ME3: variants seen among roughly 807,000 people sequenced by gnomAD.
ME3 encodes malic enzyme 3.
ME3 carries 48 observed loss-of-function variants against 68.9 expected under a neutral mutation model. The observed-to-expected ratio is 0.70, with a 90% CI of 0.55 to 0.89. ME3 has a LOEUF of 0.89. ME3 is among the 40% of genes least tolerant of loss of function. The pLI, the probability that ME3 is intolerant of heterozygous loss-of-function variation, is 0.00. For synonymous variants in ME3, 320 were observed against 318.8 expected (o/e 1.00, Z -0.04); for missense variants, 675 against 797.4 (o/e 0.85, Z 1.85).
chr11:86,553,743 T>C (rs554798436), intron 4 of ME3, among the ~76,000 whole-genome samples: 4 of 152,354 alleles, frequency 2.6e-5, no homozygotes, highest in Admixed American at 2.6e-4. Context: ...CGGACCCTGC[T>C]GGATCAATTC....
chr11:86,619,610 T>A (rs1319736562), intron 2 of ME3, among the ~76,000 whole-genome samples: 1 of 152,196 alleles, frequency 6.6e-6, no homozygotes, highest in Non-Finnish European at 1.5e-5. Flanking sequence ...GGAAACCCCT[T>A]TTGCTTGGTT....
At chr11:86,463,698 A>G (rs1338839292) in intron 8 of ME3, among the ~76,000 whole-genome samples, 2 of 152,224 alleles carry the variant, frequency 1.3e-5, no homozygotes, top group African/African-American at 2.4e-5. Flanking sequence ...TAACTGTGCT[A>G]TCTTGCCTCT....
At chr11:86,441,380 C>T (rs1311503404) in exon 15 of ME3, 1 of 1,613,198 alleles carries the variant, frequency 6.2e-7, no homozygotes. Flanking sequence ...ACAAAAGCCT[C>T]CTTGTCCTTA....
intron 4 of ME3, among the ~76,000 whole-genome samples, chr11:86,521,404 C>CAAACAAACA (rs1235907869): frequency 9.1e-6 from 1 of 109,736 alleles, no homozygotes; most frequent in African/African-American, 4.0e-5. Flanking sequence ...CAAAAACAAA[C>CAAACAAACA]AAACAAAACA....
At chr11:86,546,029 A>G (rs565682158) in intron 4 of ME3, among the ~76,000 whole-genome samples, 102 of 152,312 alleles carry the variant, frequency 6.7e-4, no homozygotes, top group Non-Finnish European at 1.1e-3. Context: ...AACCATCTTG[A>G]TCTTTGACAA....
intron 4 of ME3, among the ~76,000 whole-genome samples, chr11:86,521,536 C>T (rs1016995963): frequency 3.3e-5 from 5 of 151,808 alleles, no homozygotes; most frequent in African/African-American, 1.2e-4. Flanking sequence ...CAAAGTCAGT[C>T]GTAAAGGAGC....
In ME3 at chr11:86,672,322, A is replaced by C; in HGVS notation, c.-15+2T>G. ...CCTCGGTCCTCTCCTTCCCTGGCCC[A>C]CCTGCGCTGCTCGGGGAGCTGAGGT... On this transcript the variant is annotated splice_donor_variant, in intron 1 of 14. Transcript: ENST00000543262. LOFTEE classifies it low-confidence loss of function (5UTR_SPLICE). The C allele has an allele frequency of 5.2e-6, 1 of 191,816 alleles. No individual in the cohort carries two copies. Among genetic ancestry groups the C allele is most frequent in the Non-Finnish European group, 1.1e-5 (1 of 94,804 alleles). The allele number at this position is 191,816 out of a possible 1,614,324, so 11.9% of individuals were successfully genotyped here. A position where few individuals can be genotyped will look rare whatever the true frequency, so the allele number is the denominator to read the frequency against.
At chr11:86,475,874 T>TATAGAGAGAGAGAGAGAGAGAGAG in intron 7 of ME3, among the ~76,000 whole-genome samples, 1 of 91,476 alleles carries the variant, frequency 1.1e-5, no homozygotes, top group Non-Finnish European at 2.1e-5. Context: ...TATATATATA[T>TATAGAGAGAGAGAGAGAGAGAGAG]AGAGAGAGAG....
chr11:86,574,407 G>T (rs1317844963), intron 2 of ME3, among the ~76,000 whole-genome samples: 3 of 148,538 alleles, frequency 2.0e-5, no homozygotes, highest in African/African-American at 5.0e-5. Flanking sequence ...CGGGGGGGGG[G>T]GGGGTGTCTT....
intron 2 of ME3, among the ~76,000 whole-genome samples, chr11:86,668,400 C>T (rs756000417): frequency 5.9e-5 from 9 of 152,110 alleles, no homozygotes; most frequent in Admixed American, 4.6e-4. Context: ...CATTCTAATA[C>T]ATTTCTTTAA....
At chr11:86,510,687 C>T (rs754484294) in intron 4 of ME3, among the ~76,000 whole-genome samples, 2 of 152,156 alleles carry the variant, frequency 1.3e-5, no homozygotes, top group African/African-American at 2.4e-5. Flanking sequence ...GCACCTCTCA[C>T]TACATTGTGA....
At chr11:86,624,597 T>C (rs947166255) in intron 2 of ME3, among the ~76,000 whole-genome samples, 4 of 152,200 alleles carry the variant, frequency 2.6e-5, no homozygotes, top group African/African-American at 9.6e-5. Flanking sequence ...TTGCGTAAGA[T>C]TGATTTTGTT....
intron 5 of ME3, among the ~76,000 whole-genome samples, chr11:86,506,311 G>C (rs984293941): frequency 6.6e-6 from 1 of 152,152 alleles, no homozygotes. Context: ...GTATTTAGAA[G>C]GTTCTCAAAA....
At chr11:86,501,335 A>G (rs980447109) in intron 5 of ME3, among the ~76,000 whole-genome samples, 5 of 152,200 alleles carry the variant, frequency 3.3e-5, no homozygotes, top group Non-Finnish European at 7.3e-5. Context: ...GGCAAAGATT[A>G]TATCTCAGAC....
intron 2 of ME3, among the ~76,000 whole-genome samples, chr11:86,648,030 C>G (rs1284999964): frequency 6.6e-6 from 1 of 152,146 alleles, no homozygotes; most frequent in Non-Finnish European, 1.5e-5. Flanking sequence ...TCAGCAAATG[C>G]AAAAGAATGG....
At chr11:86,654,421 G>C (rs1279888344) in intron 2 of ME3, among the ~76,000 whole-genome samples, 1 of 152,186 alleles carries the variant, frequency 6.6e-6, no homozygotes, top group Non-Finnish European at 1.5e-5. Context: ...CTTCACCCCT[G>C]GGATGCAAGC....
chr11:86,514,662 G>GAGTA (rs1289469982), intron 4 of ME3, among the ~76,000 whole-genome samples: 1 of 152,232 alleles, frequency 6.6e-6, no homozygotes, highest in African/African-American at 2.4e-5. Flanking sequence ...ACATGGCTAT[G>GAGTA]AGTAAGTTAC....
chr11:86,539,339 C>T (rs1955892083), intron 4 of ME3, among the ~76,000 whole-genome samples: 1 of 152,110 alleles, frequency 6.6e-6, no homozygotes, highest in Admixed American at 6.6e-5. Context: ...ACCAACAATT[C>T]AATGGAGGGA....
At chr11:86,488,740 T>G (rs997650966) in intron 6 of ME3, among the ~76,000 whole-genome samples, 2 of 152,208 alleles carry the variant, frequency 1.3e-5, no homozygotes, top group Admixed American at 6.5e-5. Flanking sequence ...TTGCTGACAC[T>G]GGGCCCAGTG....
Sources: gnomAD v4.1 joint callset for allele counts (sites outside exome capture counted in the v4.1 genomes callset) on GRCh38, gnomAD v4.1.1 for gene constraint, MANE v1.5 for transcripts, NCBI Gene and HGNC (gene_info 2026-07-23, HGNC 2026-07-21) for gene names.